The following TNR variants were observed in gnomAD, a reference collection of about 807,000 sequenced individuals.
TNR encodes the protein tenascin R, also known as tenascin-R.
A neutral mutation model predicts 150.4 loss-of-function variants in TNR; 45 were observed. That is an observed-to-expected ratio of 0.30 (90% CI 0.24 to 0.38). TNR has a LOEUF of 0.38. Among genes scored for constraint, TNR ranks in the 10% least tolerant of loss-of-function variants. The pLI is 1.00. For missense variants in TNR, 1,544 were observed against 1,759.1 expected, an observed-to-expected ratio of 0.88 and a Z score of 2.19; for synonymous variants, 687 against 678.4, an observed-to-expected ratio of 1.01 and a Z score of -0.20.
At chr1:175,375,212 G>T (rs1652319211) in intron 9 of TNR, among the ~76,000 whole-genome samples, 1 of 151,398 alleles carries the variant, frequency 6.6e-6, no homozygotes, top group African/African-American at 2.4e-5. Flanking sequence ...AAAGCAGAAT[G>T]GTATTGTACC....
chr1:175,345,497 A>AT (rs1187155651), intron 18 of TNR, among the ~76,000 whole-genome samples: 2 of 152,206 alleles, frequency 1.3e-5, no homozygotes, highest in Non-Finnish European at 2.9e-5. Context: ...ATAAAAAAGG[A>AT]TTTTTTAAAA....
At chr1:175,627,236 G>A (rs1403959692) in intron 1 of TNR, among the ~76,000 whole-genome samples, 1 of 152,184 alleles carries the variant, frequency 6.6e-6, no homozygotes, top group African/African-American at 2.4e-5. Context: ...GGAATAAAAA[G>A]CCCTGGATTG....
intron 15 of TNR, among the ~76,000 whole-genome samples, chr1:175,359,277 C>A (rs1435651407): frequency 6.6e-6 from 1 of 151,172 alleles, no homozygotes. Flanking sequence ...TCCCAAGTAG[C>A]TGGGACTACA....
intron 2 of TNR, among the ~76,000 whole-genome samples, chr1:175,438,737 G>A (rs1042375524): frequency 1.1e-4 from 17 of 151,278 alleles, no homozygotes; most frequent in Non-Finnish European, 2.5e-4. Context: ...ACCAATAACA[G>A]ACAGAGAGCC....
intron 2 of TNR, among the ~76,000 whole-genome samples, chr1:175,441,685 A>G (rs903455978): frequency 1.2e-4 from 18 of 152,272 alleles, no homozygotes; most frequent in African/African-American, 3.6e-4. Context: ...GAGCTACATT[A>G]TAGAAATCAC....
intron 1 of TNR, among the ~76,000 whole-genome samples, chr1:175,591,185 C>T (rs1662783417): frequency 1.3e-5 from 2 of 152,226 alleles, no homozygotes; most frequent in Admixed American, 6.5e-5. Flanking sequence ...TCCATTCACT[C>T]CTCTGTATGA....
chr1:175,695,126 A>ATT (rs1666475902), intron 1 of TNR, among the ~76,000 whole-genome samples: 1 of 152,202 alleles, frequency 6.6e-6, no homozygotes, highest in African/African-American at 2.4e-5. Flanking sequence ...GGTAGAAGGG[A>ATT]TAAGGTGTAA....
At chr1:175,676,517 T>C (rs1665870375) in intron 1 of TNR, among the ~76,000 whole-genome samples, 1 of 152,076 alleles carries the variant, frequency 6.6e-6, no homozygotes, top group Non-Finnish European at 1.5e-5. Flanking sequence ...TTGGGACAGC[T>C]GGCAGAACTC....
rs1007905963 is a variant in TNR at position 175,495,113 on chromosome 1, C to T, written c.-64+33156G>A. ...TTAATGACAATTATGGATTGCCTGC[C>T]CAGTGACTCATACTGGGCCAGGCAA... On this transcript the variant is annotated intron_variant, in intron 2 of 22. Coordinates refer to ENST00000367674, the MANE Select transcript of TNR (RefSeq NM_003285.3). Among the ~76,000 whole-genome samples, 4 of 152,220 alleles carry T rather than the reference C, an allele frequency of 2.6e-5. 1 individual carries two copies.
At chr1:175,709,160 G>A (rs1403089779) in intron 1 of TNR, among the ~76,000 whole-genome samples, 1 of 152,012 alleles carries the variant, frequency 6.6e-6, no homozygotes, top group Non-Finnish European at 1.5e-5. Flanking sequence ...GATATACAGG[G>A]CCTCCTCCAC....
intron 2 of TNR, among the ~76,000 whole-genome samples, chr1:175,487,769 C>T (rs914076957): frequency 1.9e-4 from 29 of 152,112 alleles, no homozygotes; most frequent in Admixed American, 1.7e-3. Flanking sequence ...GTGCCTGGTA[C>T]GTGGTAAGTT....
intron 1 of TNR, among the ~76,000 whole-genome samples, chr1:175,625,785 G>T (rs142041836): frequency 2.6e-4 from 39 of 152,286 alleles, no homozygotes; most frequent in African/African-American, 8.7e-4. Context: ...GGTCAGCAAG[G>T]GTCTCTGAGC....
intron 1 of TNR, among the ~76,000 whole-genome samples, chr1:175,668,623 T>A (rs1476158755): frequency 6.6e-6 from 1 of 151,908 alleles, no homozygotes; most frequent in Non-Finnish European, 1.5e-5. Context: ...TCAAAAAGAG[T>A]CAGGGACTTA....
chr1:175,615,059 G>A (rs1322400540), intron 1 of TNR, among the ~76,000 whole-genome samples: 2 of 152,238 alleles, frequency 1.3e-5, no homozygotes, highest in African/African-American at 2.4e-5. Flanking sequence ...CCTGAGGGAG[G>A]AAGGAAGGAA....
intron 1 of TNR, among the ~76,000 whole-genome samples, chr1:175,690,477 G>A (rs79565716): frequency 0.037 from 5,675 of 152,296 alleles, 157 homozygotes; most frequent in East Asian, 0.084. Context: ...AGCAAGAAGG[G>A]GCATTCCACA....
Position 175,365,091 on chromosome 1 carries a change from G to A in TNR, c.2506C>T (p.Pro836Ser), listed in dbSNP as rs755431252. 36 of 1,613,948 alleles carry A rather than the reference G, an allele frequency of 2.2e-5. No individual in the cohort carries two copies. In the East Asian group the frequency reaches 8.0e-4, roughly 36 times the overall value. ...KRHAVLMGLQ[P>S]ATEYIVNLVA... ...AGGTTCACAATATACTCTGTGGCTGGTTGCAGGCCCATCAGGACAGCATGC... is the reference window on the plus strand; with the variant it reads ...AGGTTCACAATATACTCTGTGGCTGATTGCAGGCCCATCAGGACAGCATGC... The change falls in exon 12 of 23, where the codon CCA becomes TCA. Residue 836 changes from proline (P) to serine (S), a missense_variant. Pro to Ser is a moderately conservative substitution (Grantham distance 74, BLOSUM62 -1). Transcript: ENST00000367674.
At chr1:175,474,228 T>C (rs1159392344) in intron 2 of TNR, among the ~76,000 whole-genome samples, 1 of 152,146 alleles carries the variant, frequency 6.6e-6, no homozygotes, top group Non-Finnish European at 1.5e-5. Context: ...GTCCTAACTC[T>C]CAGAACCTCA....
Position 175,725,643 on chromosome 1 carries a change from A to T in TNR, c.-165+17583T>A, listed in dbSNP as rs74640574. On this transcript the variant is annotated intron_variant, in intron 1 of 22. Transcript: ENST00000367674. Reference sequence around the variant, plus strand: ...GGAAAAAAATAACAGGCAAGAGAAGATGTGGGGAAAATAGGTACTTGTTTT... The same window carrying T: ...GGAAAAAAATAACAGGCAAGAGAAGTTGTGGGGAAAATAGGTACTTGTTTT... Among the ~76,000 whole-genome samples, 45 of 152,348 alleles carry T rather than the reference A, an allele frequency of 3.0e-4. No homozygotes were observed. The East Asian group carries it at 6.7e-3, about 23-fold the overall frequency.
At chr1:175,402,311 C>CT (rs1302617427) in intron 4 of TNR, among the ~76,000 whole-genome samples, 1 of 48,290 alleles carries the variant, frequency 2.1e-5, no homozygotes, top group Non-Finnish European at 3.6e-5. Context: ...GAGACTCCGT[C>CT]TCAAAAAAAA....
Sources: allele counts gnomAD v4.1 joint callset (sites outside exome capture counted in the v4.1 genomes callset), GRCh38; gene constraint gnomAD v4.1.1; transcripts MANE v1.5; gene names NCBI Gene and HGNC (gene_info 2026-07-23, HGNC 2026-07-21).